The following SAMD8 variants were observed in gnomAD, a reference collection of about 807,000 sequenced individuals.
SAMD8 encodes sterile alpha motif domain containing 8.
SAMD8 carries 20 observed loss-of-function variants against 42.0 expected under a neutral mutation model. The ratio of observed to expected loss-of-function variants is 0.48; its 90% CI spans 0.34 to 0.69. The LOEUF (loss-of-function observed/expected upper bound fraction) is 0.69. SAMD8 is among the 30% of genes least tolerant of loss of function. SAMD8 has a pLI of 0.01. For synonymous variants in SAMD8, 162 were observed against 173.0 expected (o/e 0.94, Z 0.50); for missense variants, 328 against 511.6 (o/e 0.64, Z 3.46).
intron 1 of SAMD8, among the ~76,000 whole-genome samples, chr10:75,140,157 A>C (rs1839981114): frequency 6.6e-6 from 1 of 152,146 alleles, no homozygotes; most frequent in South Asian, 2.1e-4. Context: ...TGTTAACACC[A>C]CTTTGTCTTG....
chr10:75,107,589 C>T (rs879175721), upstream of SAMD8, among the ~76,000 whole-genome samples: 8 of 150,406 alleles, frequency 5.3e-5, no homozygotes, highest in South Asian at 4.2e-4. Flanking sequence ...TTTTTTTTGG[C>T]GGGGGGGGAT....
upstream of SAMD8, chr10:75,111,476 G>C: frequency 1.6e-6 from 2 of 1,221,100 alleles, no homozygotes; most frequent in Non-Finnish European, 2.0e-6. Flanking sequence ...CGGCCGGTAG[G>C]GCCCCGCCTC....
At chr10:75,102,401 C>G (rs1220371988) in intron 1 of SAMD8, among the ~76,000 whole-genome samples, 1 of 151,952 alleles carries the variant, frequency 6.6e-6, no homozygotes, top group Non-Finnish European at 1.5e-5. Context: ...CGAGATCGCG[C>G]CACTGCACTC....
At chr10:75,121,335 G>A (rs1168609832) in intron 1 of SAMD8, among the ~76,000 whole-genome samples, 1 of 152,134 alleles carries the variant, frequency 6.6e-6, no homozygotes, top group Admixed American at 6.5e-5. Flanking sequence ...TATATCAGAT[G>A]TTGTTGGCAA....
intron 1 of SAMD8, among the ~76,000 whole-genome samples, chr10:75,129,780 C>T (rs1313502869): frequency 6.6e-6 from 1 of 152,114 alleles, no homozygotes; most frequent in Non-Finnish European, 1.5e-5. Context: ...GATCTTAACC[C>T]TTGACATCAT....
At chr10:75,172,351 A>C (rs1840887843) in intron 4 of SAMD8, among the ~76,000 whole-genome samples, 1 of 151,966 alleles carries the variant, frequency 6.6e-6, no homozygotes, top group Admixed American at 6.6e-5. Context: ...TGTTTTTTTA[A>C]GACAGATTCT....
chr10:75,127,699 C>T (rs1849176919), intron 1 of SAMD8, among the ~76,000 whole-genome samples: 1 of 152,208 alleles, frequency 6.6e-6, no homozygotes, highest in South Asian at 2.1e-4. Context: ...ATCCTGTCTG[C>T]TTCCTACTAT....
At chr10:75,153,818 G>A (rs1438269531) in intron 2 of SAMD8, among the ~76,000 whole-genome samples, 1 of 150,970 alleles carries the variant, frequency 6.6e-6, no homozygotes, top group Non-Finnish European at 1.5e-5. Context: ...AGGCTGGAGT[G>A]CAGTGACACA....
intron 2 of SAMD8, among the ~76,000 whole-genome samples, chr10:75,156,776 G>A (rs1840419415): frequency 6.6e-6 from 1 of 152,168 alleles, no homozygotes; most frequent in African/African-American, 2.4e-5. Context: ...AGGGGGAAAT[G>A]TAAGGGAAAT....
rs1203694834 is a variant in SAMD8 at position 75,177,018 on chromosome 10, C to G, written c.*326C>G. On this transcript the variant is annotated 3_prime_UTR_variant, in exon 6 of 6. Coordinates refer to ENST00000542569, the MANE Select transcript of SAMD8 (RefSeq NM_001174156.2). ...TAAACAAGTCAACTTGAGCAGTTTG[C>G]TGGTTGAGGAATTTTCATTGATTTC... is the stretch of plus-strand genomic sequence containing the variant. The G allele has an allele frequency of 5.1e-6, 1 of 194,596 alleles. No individual in the cohort carries two copies. The highest frequency in any genetic ancestry group is 1.0e-5 in the Non-Finnish European group (1 of 96,122). The allele number at this position is 194,596 out of a possible 1,614,324, so 12.1% of individuals were successfully genotyped here.
chr10:75,152,391 G>A (rs981084023), intron 2 of SAMD8, among the ~76,000 whole-genome samples: 8 of 149,894 alleles, frequency 5.3e-5, no homozygotes, highest in African/African-American at 9.7e-5. Flanking sequence ...GCATAGTGGC[G>A]GGCGCCTGTA....
intron 2 of SAMD8, among the ~76,000 whole-genome samples, chr10:75,156,809 G>T (rs943526396): frequency 6.6e-6 from 1 of 152,256 alleles, no homozygotes; most frequent in African/African-American, 2.4e-5. Context: ...CAAGAGCCAC[G>T]TGAAATTTAA....
rs145950091 is a variant in SAMD8, at chr10:75,103,336, C to T, written c.-16+3608C>T. On this transcript the variant is annotated intron_variant, in intron 1 of 3. Coordinates refer to the SAMD8 transcript ENST00000447533. ...AAGACTCAGGCTGAGGGAAGCAGCA[C>T]AGGCCCACACACAGACACAGGTGTA... 6.3e-3 allele frequency among the ~76,000 whole-genome samples: 956 copies of T among 152,328 alleles called. 39 individuals carry two copies. Among genetic ancestry groups the T allele is most frequent in the Admixed American group, 0.059 (907 of 15,298 alleles).
rs74908581 is a variant in SAMD8 at position 75,149,247 on chromosome 10, G to A, written c.-15-1267G>A. The stretch of plus-strand genomic sequence containing the variant: ...TGATATACTTTATAAACCTGAGAAG[G>A]CCCAAGTAACTGAATGTTTTACAAT... On this transcript the variant is annotated intron_variant, in intron 1 of 5. Transcript: ENST00000542569. Among the ~76,000 whole-genome samples, 64 of 152,160 alleles carry A rather than the reference G, an allele frequency of 4.2e-4. 1 individual carries two copies. The East Asian group carries it at 0.012, about 28-fold the overall frequency.
At chr10:75,156,655 T>C (rs549954448) in intron 2 of SAMD8, among the ~76,000 whole-genome samples, 2 of 152,192 alleles carry the variant, frequency 1.3e-5, no homozygotes, top group African/African-American at 4.8e-5. Context: ...AAAAAAACTT[T>C]AACCTATATC....
At chr10:75,105,855 C>T in intron 1 of SAMD8, 1 of 1,549,376 alleles carries the variant, frequency 6.5e-7, no homozygotes, top group Non-Finnish European at 8.7e-7. Context: ...CCACACAGTG[C>T]ACCAGGACCT....
intron 1 of SAMD8, chr10:75,103,911 A>C (rs1477777766): frequency 7.6e-7 from 1 of 1,312,542 alleles, no homozygotes; most frequent in South Asian, 1.2e-5. Flanking sequence ...GACTGAAGAC[A>C]GTGGCTGAGA....
intron 2 of SAMD8, among the ~76,000 whole-genome samples, chr10:75,156,979 G>A (rs1019136542): frequency 6.6e-5 from 10 of 152,098 alleles, no homozygotes; most frequent in African/African-American, 1.4e-4. Flanking sequence ...GGATATCCTT[G>A]TTCCTAGAGA....
rs35256368 is a variant in SAMD8 at position 75,164,515 on chromosome 10, T to C, written c.579-130T>C. The C allele has an allele frequency of 2.1e-4, 296 of 1,406,982 alleles. 1 individual carries two copies. Among genetic ancestry groups the C allele is most frequent in the Non-Finnish European group, 2.6e-4 (282 of 1,080,048 alleles). The allele number at this position is 1,406,982 out of a possible 1,614,324, so 87.2% of individuals were successfully genotyped here. ...TTTTTTCTCCCAGTTTCTCCAAATA[T>C]CATTTTCTGTAAGAGATAAGTTATA... On this transcript the variant is annotated intron_variant, in intron 2 of 5. Transcript: ENST00000542569.
Sources: allele counts gnomAD v4.1 joint callset (sites outside exome capture counted in the v4.1 genomes callset), GRCh38; gene constraint gnomAD v4.1.1; transcripts MANE v1.5; gene names NCBI Gene and HGNC (gene_info 2026-07-23, HGNC 2026-07-21).